The following AGPAT5 variants were observed in gnomAD, a reference collection of about 807,000 sequenced individuals.
AGPAT5 encodes the protein 1-acyl-sn-glycerol-3-phosphate acyltransferase epsilon.
In AGPAT5, 46 loss-of-function variants were observed where a neutral mutation model predicts 45.6. The observed-to-expected ratio is 1.01, with a 90% CI of 0.80 to 1.29. The LOEUF is 1.29. Ranked by LOEUF, AGPAT5 falls within the 50% of genes most tolerant of loss-of-function variation. AGPAT5 has a pLI of 0.00. For missense variants in AGPAT5, 673 were observed against 450.7 expected, an observed-to-expected ratio of 1.49 and a Z score of -4.47; for synonymous variants, 272 against 167.0, an observed-to-expected ratio of 1.63 and a Z score of -4.85.
intron 1 of AGPAT5, among the ~76,000 whole-genome samples, chr8:6,722,397 A>C (rs1183383617): frequency 6.6e-6 from 1 of 152,190 alleles, no homozygotes; most frequent in Non-Finnish European, 1.5e-5. Flanking sequence ...CAACAGCAAA[A>C]GTTTTTTTTA....
chr8:6,714,255 T>C (rs938259045), intron 1 of AGPAT5, among the ~76,000 whole-genome samples: 7 of 152,238 alleles, frequency 4.6e-5, no homozygotes, highest in African/African-American at 1.7e-4. Flanking sequence ...TCCTTCACTT[T>C]AGCTGAGAGT....
intron 2 of AGPAT5, among the ~76,000 whole-genome samples, chr8:6,726,286 G>T (rs990372579): frequency 3.3e-5 from 5 of 152,230 alleles, no homozygotes; most frequent in Non-Finnish European, 7.3e-5. Flanking sequence ...AAAGGGATCT[G>T]TGGGCCCAGT....
chr8:6,745,979 C>G (rs1244712587), intron 5 of AGPAT5: 2 of 151,774 alleles, frequency 1.3e-5, no homozygotes, highest in Non-Finnish European at 2.9e-5. Context: ...CGCTCTCTCT[C>G]CCTTCCTTCT....
intron 1 of AGPAT5, among the ~76,000 whole-genome samples, chr8:6,722,276 G>A (rs986862951): frequency 2.8e-4 from 43 of 152,156 alleles, no homozygotes; most frequent in African/African-American, 1.0e-3. Context: ...AATTCTTCCT[G>A]TATCTGCTGT....
intron 2 of AGPAT5, among the ~76,000 whole-genome samples, chr8:6,727,753 C>T (rs904329832): frequency 1.3e-5 from 2 of 152,260 alleles, no homozygotes; most frequent in East Asian, 3.9e-4. Flanking sequence ...TGTTGAACAG[C>T]ATGCGTGGTG....
Position 6,708,825 on chromosome 8 carries a change from C to G in AGPAT5, c.157C>G (p.Arg53Gly), listed in dbSNP as rs769797993. The change falls in exon 1 of 8, where the codon CGG (arginine) becomes GGG (glycine). Residue 53 changes from arginine (R) to glycine (G), a missense_variant. Arg to Gly is a moderately radical substitution (Grantham distance 125). Transcript: ENST00000285518. ...CCGCTTCTACCAAGCGCTGGACGACCGGCTCTACTGCGTCTACCAGAGCAT... is the reference window on the plus strand; with the variant it reads ...CCGCTTCTACCAAGCGCTGGACGACGGGCTCTACTGCGTCTACCAGAGCAT... ...PARFYQALDD[R>G]LYCVYQSMVL... The G allele has an allele frequency of 6.2e-7, 1 of 1,611,824 alleles. No individual in the cohort carries two copies. The highest frequency in any genetic ancestry group is 1.3e-5 in the African/African-American group (1 of 75,028).
intron 1 of AGPAT5, among the ~76,000 whole-genome samples, chr8:6,714,387 A>G (rs1332096625): frequency 6.6e-6 from 1 of 152,248 alleles, no homozygotes; most frequent in East Asian, 1.9e-4. Flanking sequence ...TAACACAATT[A>G]AATTCTGGTT....
At chr8:6,743,580 C>T (rs1563300710) in intron 5 of AGPAT5, among the ~76,000 whole-genome samples, 2 of 152,186 alleles carry the variant, frequency 1.3e-5, no homozygotes. Context: ...AGAAGCTGTT[C>T]AGATGGGGTC....
intron 6 of AGPAT5, among the ~76,000 whole-genome samples, chr8:6,750,566 G>T (rs769543088): frequency 2.6e-5 from 4 of 152,160 alleles, no homozygotes; most frequent in African/African-American, 4.8e-5. Flanking sequence ...CTAGATCATA[G>T]AAAAGGGGTC....
At chr8:6,732,449 T>C (rs1447909644) in intron 3 of AGPAT5, 112 bp from the exon 4 acceptor site, 1 of 681,060 alleles carries the variant, frequency 1.5e-6, no homozygotes, top group African/African-American at 1.9e-5. Flanking sequence ...GATTAAATTC[T>C]GAAATGTAGT....
intron 4 of AGPAT5, among the ~76,000 whole-genome samples, chr8:6,735,372 T>C (rs946996207): frequency 6.6e-6 from 1 of 152,198 alleles, no homozygotes; most frequent in Non-Finnish European, 1.5e-5. Flanking sequence ...TTTTCCTTTT[T>C]CTTTGTCTTG....
At chr8:6,733,211 C>G (rs1800930280) in intron 4 of AGPAT5, among the ~76,000 whole-genome samples, 1 of 152,232 alleles carries the variant, frequency 6.6e-6, no homozygotes, top group South Asian at 2.1e-4. Flanking sequence ...CTGGTTCCCT[C>G]CGGAGACAAA....
intron 4 of AGPAT5, among the ~76,000 whole-genome samples, chr8:6,733,241 G>C (rs970418567): frequency 6.6e-6 from 1 of 152,194 alleles, no homozygotes; most frequent in African/African-American, 2.4e-5. Context: ...TCACCGGGGC[G>C]ACTTGGGCTT....
At chr8:6,739,152 A>G (rs1239066040) in intron 4 of AGPAT5, among the ~76,000 whole-genome samples, 2 of 152,072 alleles carry the variant, frequency 1.3e-5, no homozygotes, top group African/African-American at 2.4e-5. Flanking sequence ...TGATCTATAT[A>G]TATATATCCT....
chr8:6,738,492 A>C lies in AGPAT5; in HGVS notation c.496-3169A>C, dbSNP rs1298359539. On this transcript the variant is annotated intron_variant, in intron 4 of 7. Transcript: ENST00000285518. ...AACATCAGAGATCACAGATCACAAT[A>C]ACAGATATAATAATATGAAATATTG... is the stretch of plus-strand genomic sequence containing the variant. 2.0e-5 allele frequency: 3 copies of C among 152,208 alleles called. No individual in the cohort carries two copies. The South Asian group carries it at 6.2e-4, about 32-fold the overall frequency. 9.4% of individuals were successfully genotyped at this position (152,208 alleles called of 1,614,324 possible).
At chr8:6,738,103 T>C (rs1309686728) in intron 4 of AGPAT5, among the ~76,000 whole-genome samples, 1 of 152,266 alleles carries the variant, frequency 6.6e-6, no homozygotes, top group African/African-American at 2.4e-5. Flanking sequence ...CTTTTAATTC[T>C]CTTTAAGAAC....
intron 1 of AGPAT5, 37 bp downstream of exon 1, chr8:6,708,924 C>A (rs1800036187): frequency 6.4e-7 from 1 of 1,571,386 alleles, no homozygotes. Context: ...CGGCGTCCAC[C>A]CGAGCTCCCG....
rs1586993714 is a variant in AGPAT5, at chr8:6,710,082, G to A, written c.219+1195G>A. On this transcript the variant is annotated intron_variant, in intron 1 of 7. Transcript: ENST00000285518. ...TTTACTTCCACATCATGTGACAACTGGCCTGGGATGGGATATAAGCTCAGA... is the reference window on the plus strand; with the variant it reads ...TTTACTTCCACATCATGTGACAACTAGCCTGGGATGGGATATAAGCTCAGA... 2.6e-5 allele frequency among the ~76,000 whole-genome samples: 4 copies of A among 152,244 alleles called. No homozygotes were observed. In the South Asian group the frequency reaches 8.3e-4, roughly 32 times the overall value.
At chr8:6,724,782 C>A (rs1284950168) in intron 1 of AGPAT5, 88 bp from the exon 2 acceptor site, 1 of 408,164 alleles carries the variant, frequency 2.4e-6, no homozygotes, top group Non-Finnish European at 4.4e-6. Flanking sequence ...TTCACAACAT[C>A]ATTCGTCAGT....
Sources: gnomAD v4.1 joint callset for allele counts (sites outside exome capture counted in the v4.1 genomes callset) on GRCh38, gnomAD v4.1.1 for gene constraint, MANE v1.5 for transcripts, NCBI Gene and HGNC (gene_info 2026-07-23, HGNC 2026-07-21) for gene names.